The following SEMA3C variants were observed in gnomAD, a reference collection of about 807,000 sequenced individuals.
SEMA3C encodes semaphorin 3C.
A neutral mutation model predicts 89.4 loss-of-function variants in SEMA3C; 47 were observed. The observed-to-expected ratio is 0.53, with a 90% confidence interval of 0.42 to 0.67. SEMA3C has a LOEUF of 0.67. Ranked by LOEUF, SEMA3C falls within the 30% of genes least tolerant of loss-of-function variation. The pLI, the probability that SEMA3C is intolerant of heterozygous loss-of-function variation, is 0.00. For synonymous variants in SEMA3C, 310 were observed against 320.2 expected, an observed-to-expected ratio of 0.97 and a Z score of 0.34; for missense variants, 839 against 929.1, an observed-to-expected ratio of 0.90 and a Z score of 1.26.
chr7:80,829,812 T>C (rs1789968798), intron 2 of SEMA3C, among the ~76,000 whole-genome samples: 1 of 152,124 alleles, frequency 6.6e-6, no homozygotes, highest in Non-Finnish European at 1.5e-5. Flanking sequence ...ACTTTAGACT[T>C]TTCTATTCAA....
intron 15 of SEMA3C, among the ~76,000 whole-genome samples, chr7:80,754,638 A>G (rs893790545): frequency 6.6e-6 from 1 of 152,188 alleles, no homozygotes; most frequent in African/African-American, 2.4e-5. Context: ...TACCGTAGAT[A>G]TTTTTAGTGA....
chr7:80,776,589 ATAAAT>A (rs1366292786), intron 12 of SEMA3C, among the ~76,000 whole-genome samples: 1 of 152,210 alleles, frequency 6.6e-6, no homozygotes, highest in Admixed American at 6.5e-5. Context: ...CACCTGTTAC[ATAAAT>A]TATTTATATA....
chr7:80,862,309 A>C (rs1261408096), intron 2 of SEMA3C, among the ~76,000 whole-genome samples: 1 of 152,190 alleles, frequency 6.6e-6, no homozygotes, highest in African/African-American at 2.4e-5. Flanking sequence ...CCATGCAGAG[A>C]ATCAAACCAA....
intron 5 of SEMA3C, 148 bp from the exon 6 acceptor site, chr7:80,810,849 C>T (rs1789451855): frequency 3.1e-6 from 2 of 637,378 alleles, no homozygotes; most frequent in African/African-American, 1.8e-5. Flanking sequence ...TTAAGATTTA[C>T]TCAAACTATG....
chr7:80,895,916 A>G (rs1046045073), intron 2 of SEMA3C, among the ~76,000 whole-genome samples: 1 of 152,114 alleles, frequency 6.6e-6, no homozygotes, highest in Non-Finnish European at 1.5e-5. Context: ...AACATCTGAC[A>G]GATATTTAGG....
At position 80,743,934 on chromosome 7, in the gene SEMA3C, G is replaced by T. The variant is rs983709010; in HGVS notation, c.*960C>A. The T allele has an allele frequency of 1.2e-4, 19 of 152,052 alleles. No homozygotes were observed. Among genetic ancestry groups the T allele is most frequent in the Admixed American group, 9.8e-4 (15 of 15,266 alleles). The allele number at this position is 152,052 out of a possible 1,614,324, so 9.4% of individuals were successfully genotyped here. ...ATTTGAGTACTGAAGTTGAAAACTA[G>T]CCATATTTGTTATAAATTCCTCTTA... On this transcript the variant is annotated 3_prime_UTR_variant, in exon 18 of 18. Transcript: ENST00000265361.
At chr7:80,897,306 A>T (rs1394527131) in intron 2 of SEMA3C, among the ~76,000 whole-genome samples, 3 of 152,228 alleles carry the variant, frequency 2.0e-5, no homozygotes, top group Non-Finnish European at 4.4e-5. Flanking sequence ...AAAAGGCCAT[A>T]AAAACATTAA....
chr7:80,881,726 A>C (rs1217826290), intron 2 of SEMA3C, among the ~76,000 whole-genome samples: 5 of 152,234 alleles, frequency 3.3e-5, no homozygotes, highest in African/African-American at 9.6e-5. Flanking sequence ...TTAGAGAATT[A>C]GATTCATATT....
At chr7:80,759,872 G>A (rs774099711) in intron 14 of SEMA3C, among the ~76,000 whole-genome samples, 43 of 152,090 alleles carry the variant, frequency 2.8e-4, no homozygotes, top group Non-Finnish European at 2.8e-4. Flanking sequence ...TGTTTATCGA[G>A]TAAATTAGTA....
At chr7:80,788,765 CAT>C (rs1788863992) in intron 12 of SEMA3C, among the ~76,000 whole-genome samples, 1 of 152,120 alleles carries the variant, frequency 6.6e-6, no homozygotes, top group Non-Finnish European at 1.5e-5. Flanking sequence ...TGTTATCTGT[CAT>C]TATCATTATC....
intron 10 of SEMA3C, among the ~76,000 whole-genome samples, chr7:80,799,367 G>C (rs1414374585): frequency 2.0e-5 from 3 of 151,966 alleles, no homozygotes; most frequent in African/African-American, 7.3e-5. Flanking sequence ...ATCTTCCACA[G>C]TGGCTGAGTT....
intron 2 of SEMA3C, among the ~76,000 whole-genome samples, chr7:80,893,423 C>T (rs944154808): frequency 1.2e-4 from 18 of 152,174 alleles, no homozygotes; most frequent in Admixed American, 6.5e-5. Flanking sequence ...AAACTGTACT[C>T]TTTCCAGGTA....
At chr7:80,899,581 T>A (rs1791828173) in intron 2 of SEMA3C, among the ~76,000 whole-genome samples, 1 of 152,258 alleles carries the variant, frequency 6.6e-6, no homozygotes, top group African/African-American at 2.4e-5. Context: ...TTGCTTTAAA[T>A]ATAAATTAAT....
At chr7:80,884,106 G>A (rs1322879570) in intron 2 of SEMA3C, among the ~76,000 whole-genome samples, 1 of 152,030 alleles carries the variant, frequency 6.6e-6, no homozygotes, top group East Asian at 1.9e-4. Context: ...CTATTAATAA[G>A]CTCATTTTCA....
In SEMA3C at chr7:80,742,610, A is replaced by G. The variant is rs1787708174; in HGVS notation, c.*2284T>C. 6.6e-6 allele frequency: 1 copy of G among 152,018 alleles called. No individual in the cohort carries two copies. Among genetic ancestry groups the G allele is most frequent in the Admixed American group, 6.6e-5 (1 of 15,256 alleles). 9.4% of individuals were successfully genotyped at this position (152,018 alleles called of 1,614,324 possible). A position where few individuals can be genotyped will look rare whatever the true frequency, so the allele number is the denominator to read the frequency against. The stretch of plus-strand genomic sequence containing the variant: ...TATCCAATTAAATTTTAGTGTGACA[A>G]CTACATTTAGTTTGTTTTCTTACAC... On this transcript the variant is annotated 3_prime_UTR_variant, in exon 18 of 18. Coordinates refer to ENST00000265361, the MANE Select transcript of SEMA3C (RefSeq NM_006379.5).
intron 6 of SEMA3C, among the ~76,000 whole-genome samples, chr7:80,808,424 T>C (rs1023512851): frequency 1.3e-5 from 2 of 152,208 alleles, no homozygotes; most frequent in Admixed American, 6.5e-5. Flanking sequence ...TTTGGAAACA[T>C]GCCTTGCATA....
chr7:80,859,109 A>G (rs2115978693), intron 2 of SEMA3C, among the ~76,000 whole-genome samples: 1 of 152,158 alleles, frequency 6.6e-6, no homozygotes, highest in South Asian at 2.1e-4. Context: ...AAATCCAAAA[A>G]AAAATAAAGT....
chr7:80,882,053 A>T (rs1053106812), intron 2 of SEMA3C, among the ~76,000 whole-genome samples: 5 of 152,318 alleles, frequency 3.3e-5, no homozygotes, highest in African/African-American at 1.2e-4. Context: ...TGCGCACACA[A>T]GAAGTGCCCA....
chr7:80,836,811 G>A (rs142064547), intron 2 of SEMA3C, among the ~76,000 whole-genome samples: 3 of 152,206 alleles, frequency 2.0e-5, no homozygotes, highest in Non-Finnish European at 2.9e-5. Flanking sequence ...AATGATTCTC[G>A]CCCTGGTTTG....
Sources: gnomAD v4.1 joint callset for allele counts (sites outside exome capture counted in the v4.1 genomes callset) on GRCh38, gnomAD v4.1.1 for gene constraint, MANE v1.5 for transcripts, NCBI Gene and HGNC (gene_info 2026-07-23, HGNC 2026-07-21) for gene names.